The following TXNL1 variants were observed in gnomAD, a reference collection of about 807,000 sequenced individuals.
TXNL1 encodes thioredoxin-like protein 1.
A neutral mutation model predicts 35.5 loss-of-function variants in TXNL1; 14 were observed. The observed-to-expected ratio is 0.39, with a 90% CI of 0.26 to 0.62. The LOEUF is 0.62. Ranked by LOEUF, TXNL1 falls within the 20% of genes least tolerant of loss-of-function variation. TXNL1 has a pLI of 0.47. For missense variants in TXNL1, 263 were observed against 349.7 expected, an observed-to-expected ratio of 0.75 and a Z score of 1.98; for synonymous variants, 110 against 115.5, an observed-to-expected ratio of 0.95 and a Z score of 0.31.
chr18:56,624,374 C>G lies in TXNL1; in HGVS notation c.283G>C (p.Asp95His). The change falls in exon 3 of 8, where the codon GAT becomes CAT. Residue 95 changes from aspartate (D) to histidine (H), a missense_variant. By Grantham distance (81) the Asp-to-His change is moderately conservative. Coordinates refer to ENST00000217515, the MANE Select transcript of TXNL1 (RefSeq NM_004786.3). ...KVRIDQYQGA[D>H]AVGLEEKIKQ... ...ATTTTTTCTTCTAATCCCACAGCAT[C>G]TGCTCCTTGATATTGATCAATTCTC... The G allele has an allele frequency of 6.2e-7, 1 of 1,613,924 alleles. No homozygotes were observed. Among genetic ancestry groups the G allele is most frequent in the East Asian group, 2.2e-5 (1 of 44,828 alleles).
chr18:56,611,835 C>A (rs2023997244), intron 6 of TXNL1, among the ~76,000 whole-genome samples: 1 of 130,264 alleles, frequency 7.7e-6, no homozygotes, highest in South Asian at 2.8e-4. Flanking sequence ...CCCACCAGCA[C>A]ACCCGGCTAA....
chr18:56,627,990 A>G (rs1283595183), intron 1 of TXNL1, among the ~76,000 whole-genome samples: 2 of 152,164 alleles, frequency 1.3e-5, no homozygotes, highest in African/African-American at 4.8e-5. Flanking sequence ...AAGGACTTAT[A>G]CTTCTAATAC....
At chr18:56,626,732 G>C in intron 1 of TXNL1, among the ~76,000 whole-genome samples, 1 of 145,666 alleles carries the variant, frequency 6.9e-6, no homozygotes, top group Non-Finnish European at 1.5e-5. Context: ...CCTGACCTTA[G>C]GTGATCCACC....
intron 6 of TXNL1, 145 bp from the exon 7 acceptor site, chr18:56,611,242 G>A (rs1182558788): frequency 1.9e-6 from 1 of 522,762 alleles, no homozygotes; most frequent in East Asian, 4.6e-5. Flanking sequence ...GCTCACGTCT[G>A]TAATCCCAGC....
Position 56,598,156 on chromosome 18 carries a change from T to A in TXNL1, c.*4871A>T, listed in dbSNP as rs1295803910. 1 of 149,650 alleles carries A rather than the reference T, an allele frequency of 6.7e-6. No homozygotes were observed. The highest frequency in any genetic ancestry group is 1.5e-5 in the Non-Finnish European group (1 of 66,502). The allele number at this position is 149,650 out of a possible 1,614,324, so 9.3% of individuals were successfully genotyped here. On this transcript the variant is annotated 3_prime_UTR_variant, in exon 8 of 8. Coordinates refer to ENST00000217515, the MANE Select transcript of TXNL1 (RefSeq NM_004786.3). ...CCTTCCTCAACTGCATATTCCTACTTTATCTCTGACTCAACCCAAGCATCT... is the reference window on the plus strand; with the variant it reads ...CCTTCCTCAACTGCATATTCCTACTATATCTCTGACTCAACCCAAGCATCT...
intron 7 of TXNL1, among the ~76,000 whole-genome samples, chr18:56,606,730 A>G (rs957728717): frequency 1.8e-4 from 27 of 152,230 alleles, no homozygotes; most frequent in African/African-American, 6.0e-4. Flanking sequence ...ATTAATTTTG[A>G]TTAACTTTCC....
chr18:56,624,008 AT>A (rs2024235032), intron 3 of TXNL1, among the ~76,000 whole-genome samples: 1 of 152,210 alleles, frequency 6.6e-6, no homozygotes, highest in African/African-American at 2.4e-5. Flanking sequence ...GTATTTTTAA[AT>A]GGCTATTAAA....
chr18:56,603,276 A>C, intron 7 of TXNL1, among the ~76,000 whole-genome samples: 1 of 32,930 alleles, frequency 3.0e-5, no homozygotes, highest in Non-Finnish European at 3.0e-4. Flanking sequence ...TTTTGGTTTC[A>C]CACAGTTTTT....
intron 1 of TXNL1, among the ~76,000 whole-genome samples, chr18:56,628,437 T>C (rs916643592): frequency 2.0e-5 from 3 of 152,166 alleles, no homozygotes; most frequent in Non-Finnish European, 4.4e-5. Context: ...AATTAAATTC[T>C]TATCAACAAA....
intron 6 of TXNL1, among the ~76,000 whole-genome samples, chr18:56,611,962 C>A (rs538705416): frequency 3.3e-5 from 5 of 151,186 alleles, no homozygotes; most frequent in African/African-American, 7.3e-5. Flanking sequence ...AAGTCTCCTG[C>A]CTCAGCCTCC....
At chr18:56,619,662 C>T (rs1260167549) in intron 3 of TXNL1, among the ~76,000 whole-genome samples, 1 of 151,868 alleles carries the variant, frequency 6.6e-6, no homozygotes, top group Non-Finnish European at 1.5e-5. Context: ...CCTGTGGTGT[C>T]AGCACATGCC....
At chr18:56,636,887 T>C (rs986083564) in intron 1 of TXNL1, among the ~76,000 whole-genome samples, 2 of 152,232 alleles carry the variant, frequency 1.3e-5, no homozygotes, top group African/African-American at 4.8e-5. Flanking sequence ...CCTTTTCTAC[T>C]GTGGCCTAGA....
chr18:56,603,384 C>T (rs1239287531), intron 7 of TXNL1, among the ~76,000 whole-genome samples: 1 of 150,252 alleles, frequency 6.7e-6, no homozygotes, highest in African/African-American at 2.4e-5. Flanking sequence ...ATTTGACATA[C>T]TATTTTTAGA....
chr18:56,601,222 C>T lies in TXNL1; in HGVS notation c.*1805G>A, dbSNP rs959615028. 6 of 152,090 alleles carry T rather than the reference C, an allele frequency of 3.9e-5. No homozygotes were observed. Among genetic ancestry groups the T allele is most frequent in the African/African-American group, 7.2e-5 (3 of 41,406 alleles). The allele number at this position is 152,090 out of a possible 1,614,324, so 9.4% of individuals were successfully genotyped here. A position where few individuals can be genotyped will look rare whatever the true frequency, so the allele number is the denominator to read the frequency against. On this transcript the variant is annotated 3_prime_UTR_variant, in exon 8 of 8. Transcript: ENST00000217515. ...TAGTAAGATTTCCCATTAAGTGAAA[C>T]GTTATAGTTACCTATAAACGTTCAT...
Position 56,617,991 on chromosome 18 carries a change from A to G in TXNL1, c.492+13T>C, listed in dbSNP as rs1441289030. 2 of 1,613,632 alleles carry G rather than the reference A, an allele frequency of 1.2e-6. No homozygotes were observed. The highest frequency in any genetic ancestry group is 2.2e-5 in the South Asian group (2 of 91,030). On this transcript the variant is annotated intron_variant, in intron 4 of 7. Coordinates refer to ENST00000217515, the MANE Select transcript of TXNL1 (RefSeq NM_004786.3). ...TGATAATCTCCACAAGCTTATCTTC[A>G]GCCCTCAATTACCTGTTCATCACAG...
chr18:56,633,914 G>T (rs548967444), intron 1 of TXNL1, among the ~76,000 whole-genome samples: 4 of 147,164 alleles, frequency 2.7e-5, no homozygotes, highest in African/African-American at 1.0e-4. Flanking sequence ...AACCTGGGAG[G>T]CAGAGGTTGC....
Position 56,628,915 on chromosome 18 carries a change from T to G in TXNL1, c.99-2458A>C, listed in dbSNP as rs1349635417. On this transcript the variant is annotated intron_variant, in intron 1 of 7. Coordinates refer to ENST00000217515, the MANE Select transcript of TXNL1 (RefSeq NM_004786.3). ...TTAACATTTCAATCAGCATTTCACCTTGTGTTATCCTGAAAGCCATACACC... is the reference window on the plus strand; with the variant it reads ...TTAACATTTCAATCAGCATTTCACCGTGTGTTATCCTGAAAGCCATACACC... 2.0e-5 allele frequency among the ~76,000 whole-genome samples: 3 copies of G among 152,236 alleles called. 1 individual carries two copies. The East Asian group carries it at 5.8e-4, about 29-fold the overall frequency.
chr18:56,614,117 G>GTT (rs902123317), intron 6 of TXNL1, among the ~76,000 whole-genome samples: 14 of 152,032 alleles, frequency 9.2e-5, no homozygotes, highest in African/African-American at 2.7e-4. Flanking sequence ...ACTATACCAG[G>GTT]TATAAAGAAT....
chr18:56,601,107 A>G lies in TXNL1; in HGVS notation c.*1920T>C, dbSNP rs2023805065. 3.1e-5 allele frequency: 1 copy of G among 31,804 alleles called. No individual in the cohort carries two copies. The highest frequency in any genetic ancestry group is 6.2e-4 in the Admixed American group (1 of 1,616). The allele number at this position is 31,804 out of a possible 1,614,324, so 2.0% of individuals were successfully genotyped here. ...ATTCAGTGTTATATATAAATGTTAC[A>G]TATACATATGTGTGTATATATATAT... On this transcript the variant is annotated 3_prime_UTR_variant, in exon 8 of 8. Coordinates refer to ENST00000217515, the MANE Select transcript of TXNL1 (RefSeq NM_004786.3).
Sources: allele counts gnomAD v4.1 joint callset (sites outside exome capture counted in the v4.1 genomes callset), GRCh38; gene constraint gnomAD v4.1.1; transcripts MANE v1.5; gene names NCBI Gene and HGNC (gene_info 2026-07-23, HGNC 2026-07-21).